The following LEPROTL1 variants were observed in gnomAD, a reference collection of about 807,000 sequenced individuals.
LEPROTL1 encodes the protein leptin receptor overlapping transcript like 1.
Under a neutral mutation model 15.4 loss-of-function variants are expected in LEPROTL1, and 6 were observed. The observed-to-expected ratio is 0.39, with a 90% CI of 0.21 to 0.77. The LOEUF (loss-of-function observed/expected upper bound fraction) is 0.77, where lower values mean the gene tolerates loss of function less well. Ranked by LOEUF, LEPROTL1 falls within the 30% of genes least tolerant of loss-of-function variation. LEPROTL1 has a pLI of 0.41. For synonymous variants in LEPROTL1, 56 were observed against 52.6 expected (o/e 1.06, Z -0.28); for missense variants, 128 against 158.1 (o/e 0.81, Z 1.02).
chr8:30,103,971 A>G (rs1411605387), intron 2 of LEPROTL1, among the ~76,000 whole-genome samples: 5 of 152,210 alleles, frequency 3.3e-5, no homozygotes, highest in Admixed American at 1.3e-4. Flanking sequence ...AAGATCTTAC[A>G]TAACCATAGT....
intron 3 of LEPROTL1, among the ~76,000 whole-genome samples, chr8:30,124,192 G>A (rs999551930): frequency 6.6e-6 from 1 of 152,176 alleles, no homozygotes; most frequent in Non-Finnish European, 1.5e-5. Flanking sequence ...GAAAATGCCA[G>A]AAGAGGGGAT....
chr8:30,137,412 G>A (rs1468264370), exon 5 of LEPROTL1: 6 of 1,551,606 alleles, frequency 3.9e-6, no homozygotes, highest in Non-Finnish European at 5.2e-6. Context: ...AACCCGTGCT[G>A]AGGCTGGCAG....
At chr8:30,114,193 A>G (rs1272974870) in intron 3 of LEPROTL1, among the ~76,000 whole-genome samples, 7 of 152,112 alleles carry the variant, frequency 4.6e-5, no homozygotes. Flanking sequence ...TCGTCCTGAG[A>G]CAATGAACCC....
rs1802931750 is a variant in LEPROTL1, at chr8:30,127,896, G to A, written c.280-4479G>A. Among the ~76,000 whole-genome samples, 2 of 151,950 alleles carry A rather than the reference G, an allele frequency of 1.3e-5. 1 individual carries two copies. The highest frequency in any genetic ancestry group is 2.9e-5 in the Non-Finnish European group (2 of 68,022). Reference sequence around the variant, plus strand: ...TGAATTTTTTAAAAAGAGCGGGTGGGGTGTCAATAACCAGGTACTACCAGT... The same window carrying A: ...TGAATTTTTTAAAAAGAGCGGGTGGAGTGTCAATAACCAGGTACTACCAGT... On this transcript the variant is annotated intron_variant, in intron 3 of 4. Transcript: ENST00000442880.
chr8:30,137,499 A>G, exon 5 of LEPROTL1: 1 of 1,550,194 alleles, frequency 6.5e-7, no homozygotes, highest in African/African-American at 1.4e-5. Flanking sequence ...CTCAGGCACA[A>G]TGACAACTAC....
chr8:30,129,471 A>G (rs1329854533), intron 3 of LEPROTL1, among the ~76,000 whole-genome samples: 1 of 152,136 alleles, frequency 6.6e-6, no homozygotes, highest in Non-Finnish European at 1.5e-5. Context: ...TCAGGAGGCC[A>G]AGGTGGATGG....
downstream of LEPROTL1, among the ~76,000 whole-genome samples, chr8:30,111,863 AG>A (rs1439908191): frequency 6.6e-6 from 1 of 152,120 alleles, no homozygotes; most frequent in Non-Finnish European, 1.5e-5. Flanking sequence ...CAGCATCCTG[AG>A]GTTTCAGAGG....
intron 4 of LEPROTL1, chr8:30,132,635 T>A: frequency 2.6e-6 from 4 of 1,551,730 alleles, no homozygotes; most frequent in Non-Finnish European, 3.5e-6. Flanking sequence ...CCCCTCCAGC[T>A]CAGAGCCCAG....
intron 4 of LEPROTL1, among the ~76,000 whole-genome samples, chr8:30,136,316 G>T (rs1340120259): frequency 1.3e-5 from 2 of 152,184 alleles, no homozygotes; most frequent in Non-Finnish European, 2.9e-5. Flanking sequence ...CACATGCACA[G>T]ACAGAGGAGT....
rs1450418384 is a variant in LEPROTL1 at position 30,117,632 on chromosome 8, G to A, written c.279+13146G>A. ...TGTGATCATCAATGATTTCAAATTCGCCAATGTAACCATGCTTCATCATCA... is the reference window on the plus strand; with the variant it reads ...TGTGATCATCAATGATTTCAAATTCACCAATGTAACCATGCTTCATCATCA... On this transcript the variant is annotated intron_variant, in intron 3 of 4. Coordinates refer to the LEPROTL1 transcript ENST00000442880. The A allele has an allele frequency of 3.8e-5, 56 of 1,468,702 alleles. 1 individual carries two copies. Among genetic ancestry groups the A allele is most frequent in the Admixed American group, 1.0e-4 (6 of 59,722 alleles). The allele number at this position is 1,468,702 out of a possible 1,614,324, so 91.0% of individuals were successfully genotyped here. A position where few individuals can be genotyped will look rare whatever the true frequency, so the allele number is the denominator to read the frequency against.
chr8:30,132,138 G>A (rs376969389), intron 3 of LEPROTL1: 1 of 1,551,778 alleles, frequency 6.4e-7, no homozygotes. Context: ...TCATCGGCCA[G>A]GATCTGATAA....
In LEPROTL1 at chr8:30,101,929, C is replaced by T. The variant is rs372366525; in HGVS notation, c.48C>T (p.Ile16=). The T allele has an allele frequency of 4.2e-5, 68 of 1,609,238 alleles. No individual in the cohort carries two copies. The highest frequency in any genetic ancestry group is 1.7e-4 in the Middle Eastern group (1 of 5,742). ...TTAGTTTGTCCTTTGGAGGAGCAAT[C>T]GGACTGATGTTTTTGATGCTTGGAT... ...ALISLSFGGA[I]GLMFLMLGCA... The change falls in exon 2 of 4, where the codon ATC becomes ATT. Residue 16 remains isoleucine (I), a synonymous_variant. Coordinates refer to ENST00000321250, the MANE Select transcript of LEPROTL1 (RefSeq NM_015344.3).
Position 30,107,149 on chromosome 8 carries a change from A to G in LEPROTL1, c.*1287A>G. ...CTGTTTTGATTTTGAGTTCATCATG[A>G]TAGATCTGCTGTTTCCTTATAAAAG... On this transcript the variant is annotated 3_prime_UTR_variant, in exon 4 of 4. Coordinates refer to ENST00000321250, the MANE Select transcript of LEPROTL1 (RefSeq NM_015344.3). 1.0e-6 allele frequency: 1 copy of G among 985,278 alleles called. No individual in the cohort carries two copies. The highest frequency in any genetic ancestry group is 1.2e-6 in the Non-Finnish European group (1 of 829,774). The allele number at this position is 985,278 out of a possible 1,614,324, so 61.0% of individuals were successfully genotyped here.
At chr8:30,128,448 A>G (rs937431954) in intron 3 of LEPROTL1, among the ~76,000 whole-genome samples, 2 of 152,104 alleles carry the variant, frequency 1.3e-5, no homozygotes, top group East Asian at 1.9e-4. Flanking sequence ...CATGAAGAGT[A>G]GTCACTTAAA....
intron 3 of LEPROTL1, among the ~76,000 whole-genome samples, chr8:30,124,831 C>CTAATGA (rs1802883040): frequency 6.6e-6 from 1 of 152,158 alleles, no homozygotes; most frequent in Admixed American, 6.5e-5. Context: ...GAATTCAGGT[C>CTAATGA]ATTACCATGA....
intron 3 of LEPROTL1, among the ~76,000 whole-genome samples, chr8:30,118,017 TTG>T (rs1491406237): frequency 5.2e-4 from 7 of 13,392 alleles, no homozygotes; most frequent in Admixed American, 1.4e-3. Flanking sequence ...ATTTTTTGAT[TTG>T]TTTTTTTTTT....
At chr8:30,121,725 G>T (rs1463843902) in intron 3 of LEPROTL1, among the ~76,000 whole-genome samples, 1 of 152,178 alleles carries the variant, frequency 6.6e-6, no homozygotes, top group East Asian at 1.9e-4. Context: ...GATTCTGGCA[G>T]TGGTTTCTTG....
intron 3 of LEPROTL1, among the ~76,000 whole-genome samples, chr8:30,131,434 T>C (rs989516741): frequency 6.6e-6 from 1 of 151,728 alleles, no homozygotes; most frequent in African/African-American, 2.4e-5. Flanking sequence ...GGATTACAGT[T>C]ATGAGCCACT....
rs575085711 is a variant in LEPROTL1, at chr8:30,102,067, T to G, written c.92+94T>G. ...TGTTTTTTTACTACTGTAAAAGTAA[T>G]GCAGAGAAATGTTCACTTACCAAAC... On this transcript the variant is annotated intron_variant, in intron 2 of 3. Transcript: ENST00000321250. 6.0e-6 allele frequency: 4 copies of G among 668,062 alleles called. No individual in the cohort carries two copies. The African/African-American group carries it at 7.5e-5, about 12-fold the overall frequency. The allele number at this position is 668,062 out of a possible 1,614,324, so 41.4% of individuals were successfully genotyped here.
Sources: allele counts gnomAD v4.1 joint callset (sites outside exome capture counted in the v4.1 genomes callset), GRCh38; gene constraint gnomAD v4.1.1; transcripts MANE v1.5; gene names NCBI Gene and HGNC (gene_info 2026-07-23, HGNC 2026-07-21).